Variants in MRPL14 observed in about 807,000 individuals in gnomAD.
MRPL14 encodes large ribosomal subunit protein uL14m.
A neutral mutation model predicts 10.9 loss-of-function variants in MRPL14; 8 were observed. The ratio of observed to expected loss-of-function variants is 0.74; its 90% CI spans 0.43 to 1.33. MRPL14 has a LOEUF of 1.33. MRPL14 is among the 40% of genes most tolerant of loss of function. The pLI is 0.01. For missense variants in MRPL14, 179 were observed against 194.5 expected (o/e 0.92, Z 0.47); for synonymous variants, 82 against 74.1 (o/e 1.11, Z -0.54).
intron 1 of MRPL14, among the ~76,000 whole-genome samples, chr6:44,120,477 T>C (rs1051946209): frequency 3.3e-5 from 5 of 152,212 alleles, no homozygotes; most frequent in Non-Finnish European, 5.9e-5. Context: ...TATTCATGTC[T>C]CTAGGAAGCA....
Position 44,113,801 on chromosome 6 carries a change from T to C in MRPL14, c.*42A>G, listed in dbSNP as rs1207318460. ...TTAGCAAAAGGGTGGTTCTCAGAACTGCTCCATTCACGAGTCCTGCAACCA... is the reference window on the plus strand; with the variant it reads ...TTAGCAAAAGGGTGGTTCTCAGAACCGCTCCATTCACGAGTCCTGCAACCA... On this transcript the variant is annotated 3_prime_UTR_variant, in exon 3 of 3. Transcript: ENST00000372014. 1 of 1,522,348 alleles carries C rather than the reference T, an allele frequency of 6.6e-7. No individual in the cohort carries two copies. The highest frequency in any genetic ancestry group is 8.8e-7 in the Non-Finnish European group (1 of 1,134,260). The allele number at this position is 1,522,348 out of a possible 1,614,324, so 94.3% of individuals were successfully genotyped here.
At chr6:44,123,732 G>A (rs1044199359) in intron 1 of MRPL14, among the ~76,000 whole-genome samples, 2 of 152,168 alleles carry the variant, frequency 1.3e-5, no homozygotes, top group African/African-American at 4.8e-5. Flanking sequence ...AAATTAGGGC[G>A]TGGTGGTTCA....
At chr6:44,124,628 T>G (rs1582727161) in intron 1 of MRPL14, among the ~76,000 whole-genome samples, 1 of 152,234 alleles carries the variant, frequency 6.6e-6, no homozygotes, top group East Asian at 1.9e-4. Flanking sequence ...TTTTGAGTTT[T>G]TAACAGAGGG....
intron 2 of MRPL14, 57 bp from the exon 3 acceptor site, chr6:44,114,266 A>C: frequency 6.5e-7 from 1 of 1,548,184 alleles, no homozygotes; most frequent in Non-Finnish European, 8.7e-7. Flanking sequence ...CAGGGTGCAC[A>C]GGCCTCTGAG....
rs867894336 is a variant in MRPL14 at position 44,113,928 on chromosome 6, C to T, written c.353G>A (p.Arg118Gln). 2.4e-5 allele frequency: 38 copies of T among 1,610,972 alleles called. No individual in the cohort carries two copies. Among genetic ancestry groups the T allele is most frequent in the Non-Finnish European group, 2.6e-5 (31 of 1,177,422 alleles). ...GCTGGTGGGGATGGGTGTCTTAATT[C>T]GTGTCCCCACAGGGTTCCCGTTGTC... The part of the protein sequence containing the change: ...IEDNGNPVGT[R>Q]IKTPIPTSLR... Residue 118 changes from arginine (R) to glutamine (Q), a missense_variant, in exon 3 of 3, where the codon CGA becomes CAA. By Grantham distance (43) the Arg-to-Gln change is conservative. Coordinates refer to ENST00000372014, the MANE Select transcript of MRPL14 (RefSeq NM_032111.4).
chr6:44,122,089 CT>C (rs35413398), intron 1 of MRPL14, among the ~76,000 whole-genome samples: 11 of 148,068 alleles, frequency 7.4e-5, no homozygotes, highest in Admixed American at 1.3e-4. Context: ...TCCCCCCCCT[CT>C]TTTTTTTTTG....
intron 1 of MRPL14, among the ~76,000 whole-genome samples, chr6:44,121,202 T>C (rs1375025916): frequency 1.3e-5 from 2 of 151,930 alleles, no homozygotes; most frequent in Non-Finnish European, 2.9e-5. Context: ...TCAATGACAG[T>C]TCCTTCTCTA....
intron 1 of MRPL14, among the ~76,000 whole-genome samples, chr6:44,120,483 A>G (rs1252677947): frequency 6.6e-6 from 1 of 152,178 alleles, no homozygotes; most frequent in African/African-American, 2.4e-5. Flanking sequence ...TGTCTCTAGG[A>G]AGCACTTCCC....
intron 1 of MRPL14, among the ~76,000 whole-genome samples, chr6:44,124,412 T>A (rs1480094795): frequency 6.6e-6 from 1 of 152,228 alleles, no homozygotes; most frequent in Non-Finnish European, 1.5e-5. Flanking sequence ...CATTTTAATG[T>A]GGACAATCCT....
chr6:44,125,442 G>T (rs1270997049), intron 1 of MRPL14, among the ~76,000 whole-genome samples: 2 of 152,118 alleles, frequency 1.3e-5, no homozygotes, highest in Non-Finnish European at 2.9e-5. Flanking sequence ...GATCGATTGA[G>T]GTCAGGGGCT....
intron 2 of MRPL14, among the ~76,000 whole-genome samples, chr6:44,116,072 G>A (rs1775818664): frequency 1.3e-5 from 2 of 152,206 alleles, no homozygotes; most frequent in South Asian, 2.1e-4. Context: ...AGGGCATGAC[G>A]GGGCCAGGAG....
chr6:44,114,263 C>A (rs903267154), intron 2 of MRPL14, 54 bp from the exon 3 acceptor site: 2 of 1,553,456 alleles, frequency 1.3e-6, no homozygotes, highest in Non-Finnish European at 1.7e-6. Context: ...GGTCAGGGTG[C>A]ACAGGCCTCT....
intron 1 of MRPL14, 177 bp downstream of exon 1, chr6:44,127,164 CGGG>C (rs1258121806): frequency 5.7e-5 from 6 of 105,892 alleles, no homozygotes; most frequent in African/African-American, 2.1e-4. Flanking sequence ...CCCTCCCCGT[CGGG>C]ACCCCCCTCC....
At position 44,114,032 on chromosome 6, in the gene MRPL14, CT is replaced by C; in HGVS notation, c.248del (p.Lys83ArgfsTer14). On this transcript the variant is annotated frameshift_variant, in exon 3 of 3. Coordinates refer to ENST00000372014, the MANE Select transcript of MRPL14 (RefSeq NM_032111.4). LOFTEE classifies it high-confidence loss of function. ...GCATGCAGTGCCCCACAATGAGCGC[CT>C]TTTTCTTCTGTCCCTTGATGGCCAG... ...ILLAIKGQKK[K>X]ALIVGHCMPG... 6.2e-7 allele frequency: 1 copy of C among 1,614,182 alleles called. No homozygotes were observed. Among genetic ancestry groups the C allele is most frequent in the Non-Finnish European group, 8.5e-7 (1 of 1,180,040 alleles).
chr6:44,118,336 C>T (rs565937437), intron 1 of MRPL14, among the ~76,000 whole-genome samples: 2 of 152,278 alleles, frequency 1.3e-5, no homozygotes, highest in East Asian at 1.9e-4. Flanking sequence ...TAGCACAGTG[C>T]CTGGCACTCA....
Position 44,122,356 on chromosome 6 carries a change from T to G in MRPL14, c.-19+4988A>C, listed in dbSNP as rs1776531803. Among the ~76,000 whole-genome samples the G allele has an allele frequency of 2.6e-5, 4 of 152,302 alleles. No individual in the cohort carries two copies. The South Asian group carries it at 8.3e-4, about 32-fold the overall frequency. Reference sequence around the variant, plus strand: ...CCTCGGCCTCCCAAAGTGCTGGGATTACAGGCATGAGCCACCGCGCCCTGC... The same window carrying G: ...CCTCGGCCTCCCAAAGTGCTGGGATGACAGGCATGAGCCACCGCGCCCTGC... On this transcript the variant is annotated intron_variant, in intron 1 of 2. Transcript: ENST00000372014.
At chr6:44,120,971 T>C (rs1776351971) in intron 1 of MRPL14, among the ~76,000 whole-genome samples, 1 of 152,144 alleles carries the variant, frequency 6.6e-6, no homozygotes, top group African/African-American at 2.4e-5. Flanking sequence ...CTGCCTACTA[T>C]GGAAAATGCC....
At chr6:44,123,035 A>T (rs745895534) in intron 1 of MRPL14, among the ~76,000 whole-genome samples, 1 of 152,258 alleles carries the variant, frequency 6.6e-6, no homozygotes, top group Non-Finnish European at 1.5e-5. Context: ...CTCACACAAT[A>T]GCCACAATAG....
At chr6:44,116,035 C>A (rs542491329) in intron 2 of MRPL14, among the ~76,000 whole-genome samples, 2 of 152,174 alleles carry the variant, frequency 1.3e-5, no homozygotes, top group African/African-American at 4.8e-5. Flanking sequence ...ACCCCAGGTG[C>A]GGTGCTCAGG....
Sources: gnomAD v4.1 joint callset for allele counts (sites outside exome capture counted in the v4.1 genomes callset) on GRCh38, gnomAD v4.1.1 for gene constraint, MANE v1.5 for transcripts, NCBI Gene and HGNC (gene_info 2026-07-23, HGNC 2026-07-21) for gene names.